The following TNS3 variants were observed in gnomAD, a reference collection of about 807,000 sequenced individuals.
The protein encoded by TNS3 is tensin 3.
A neutral mutation model predicts 140.9 loss-of-function variants in TNS3; 45 were observed. The observed-to-expected ratio is 0.32, with a 90% CI of 0.25 to 0.41. The LOEUF is 0.41. Ranked by LOEUF, TNS3 falls within the 10% of genes least tolerant of loss-of-function variation. TNS3 has a pLI of 1.00. For synonymous variants in TNS3, 815 were observed against 788.4 expected, an observed-to-expected ratio of 1.03 and a Z score of -0.56; for missense variants, 1,716 against 1,906.7, an observed-to-expected ratio of 0.90 and a Z score of 1.86.
rs368408625 is a variant in TNS3, at chr7:47,388,924, A to AGAG, written c.1024+7875_1024+7876insCTC. On this transcript the variant is annotated intron_variant, in intron 16 of 30. Transcript: ENST00000311160. Reference sequence around the variant, plus strand: ...GAAGAAGAAGGGGAGAGGGAGAGGGAGGAGAAGAGAAGAAGAAGGAGAAGC... The same window carrying AGAG: ...GAAGAAGAAGGGGAGAGGGAGAGGGAGAGGGAGAAGAGAAGAAGAAGGAGAAGC... 1.8e-4 allele frequency among the ~76,000 whole-genome samples: 27 copies of AGAG among 149,866 alleles called. 1 individual carries two copies. Among genetic ancestry groups the AGAG allele is most frequent in the African/African-American group, 3.0e-4 (12 of 40,600 alleles).
intron 16 of TNS3, among the ~76,000 whole-genome samples, chr7:47,392,479 C>CG (rs1293560103): frequency 3.3e-5 from 5 of 151,888 alleles, no homozygotes; most frequent in African/African-American, 7.3e-5. Context: ...AACCAGGCGG[C>CG]GGGGGGATAG....
intron 1 of TNS3, among the ~76,000 whole-genome samples, chr7:47,544,587 A>G (rs1014392548): frequency 2.0e-5 from 3 of 152,072 alleles, no homozygotes; most frequent in Non-Finnish European, 4.4e-5. Flanking sequence ...CCCTCACCAG[A>G]CAATCTGCCA....
intron 4 of TNS3, among the ~76,000 whole-genome samples, chr7:47,447,145 T>A (rs1795784827): frequency 6.6e-6 from 1 of 150,976 alleles, no homozygotes; most frequent in Non-Finnish European, 1.5e-5. Context: ...TTGGAGGTCA[T>A]CCCAGTCCTG....
intron 27 of TNS3, among the ~76,000 whole-genome samples, chr7:47,286,224 G>T (rs1422288457): frequency 6.6e-6 from 1 of 152,122 alleles, no homozygotes; most frequent in African/African-American, 2.4e-5. Flanking sequence ...CTCTCTTGAA[G>T]GAGTCACAGA....
intron 13 of TNS3, among the ~76,000 whole-genome samples, chr7:47,408,150 G>A (rs546856936): frequency 4.9e-4 from 75 of 152,246 alleles, no homozygotes; most frequent in African/African-American, 1.7e-3. Flanking sequence ...GTGGCCTGGA[G>A]GCCATTGGGA....
chr7:47,510,134 G>A (rs912118964), intron 2 of TNS3, among the ~76,000 whole-genome samples: 19 of 152,190 alleles, frequency 1.2e-4, no homozygotes, highest in African/African-American at 4.6e-4. Flanking sequence ...CTGGACAACT[G>A]TGTCCCAATC....
intron 16 of TNS3, among the ~76,000 whole-genome samples, chr7:47,392,341 G>A (rs541226938): frequency 1.0e-3 from 158 of 152,270 alleles, no homozygotes; most frequent in South Asian, 4.6e-3. Context: ...AGAATGTTGC[G>A]CTCACACATC....
At chr7:47,312,993 AGGGAGTGCCT>A (rs1162974426) in intron 20 of TNS3, among the ~76,000 whole-genome samples, 2 of 152,236 alleles carry the variant, frequency 1.3e-5, no homozygotes, top group Non-Finnish European at 2.9e-5. Flanking sequence ...AAAGCGAAAC[AGGGAGTGCCT>A]GCGTGTCCTG....
intron 6 of TNS3, 73 bp from the exon 7 acceptor site, chr7:47,437,386 A>G (rs1795236523): frequency 1.5e-6 from 1 of 656,902 alleles, no homozygotes; most frequent in Non-Finnish European, 2.2e-6. Context: ...TTTAATTTTT[A>G]TTTAATTTTA....
At chr7:47,518,559 A>T (rs877587) in intron 2 of TNS3, among the ~76,000 whole-genome samples, 5 of 152,034 alleles carry the variant, frequency 3.3e-5, no homozygotes, top group Admixed American at 3.3e-4. Context: ...CCAGGCACAG[A>T]GGCCGACGCC....
intron 1 of TNS3, among the ~76,000 whole-genome samples, chr7:47,533,819 T>C (rs1482430710): frequency 6.6e-6 from 1 of 152,176 alleles, no homozygotes; most frequent in African/African-American, 2.4e-5. Context: ...TCTCTTTGCC[T>C]GCTGCCATGT....
chr7:47,308,425 ACATTAGTTTTGTGTCCT>A, intron 20 of TNS3, among the ~76,000 whole-genome samples: 1 of 152,266 alleles, frequency 6.6e-6, no homozygotes, highest in South Asian at 2.1e-4. Context: ...CATAATCTTA[ACATTAGTTTTGTGTCCT>A]CATTAGTTTT....
At chr7:47,495,074 C>G (rs1396828181) in intron 3 of TNS3, among the ~76,000 whole-genome samples, 3 of 151,786 alleles carry the variant, frequency 2.0e-5, no homozygotes, top group Non-Finnish European at 1.5e-5. Context: ...GCCTGTAGTC[C>G]CAGCTACTCG....
At chr7:47,310,037 G>A (rs1172594881) in intron 20 of TNS3, among the ~76,000 whole-genome samples, 1 of 152,146 alleles carries the variant, frequency 6.6e-6, no homozygotes, top group Non-Finnish European at 1.5e-5. Flanking sequence ...TGTGGTATAG[G>A]GGCCATACAC....
At chr7:47,502,978 C>T (rs767678234) in intron 3 of TNS3, among the ~76,000 whole-genome samples, 21 of 152,196 alleles carry the variant, frequency 1.4e-4, no homozygotes, top group Non-Finnish European at 2.6e-4. Flanking sequence ...GGTCTGAGAG[C>T]ATTGGAGCCC....
intron 8 of TNS3, among the ~76,000 whole-genome samples, chr7:47,431,465 T>C (rs1467475359): frequency 6.6e-6 from 1 of 152,074 alleles, no homozygotes; most frequent in Admixed American, 6.6e-5. Context: ...TGGTGGCACG[T>C]GCCTGTAATC....
At chr7:47,315,692 A>G (rs1787358331) in intron 20 of TNS3, among the ~76,000 whole-genome samples, 1 of 152,218 alleles carries the variant, frequency 6.6e-6, no homozygotes, top group Non-Finnish European at 1.5e-5. Context: ...CTAAATGTGT[A>G]AGGAGTTGTC....
intron 4 of TNS3, among the ~76,000 whole-genome samples, chr7:47,455,449 T>A (rs1796207097): frequency 6.6e-6 from 1 of 152,090 alleles, no homozygotes; most frequent in African/African-American, 2.4e-5. Context: ...TATCCCACAA[T>A]AATCAGATTC....
chr7:47,321,470 C>G (rs1054722999), intron 20 of TNS3, among the ~76,000 whole-genome samples: 1 of 152,216 alleles, frequency 6.6e-6, no homozygotes, highest in African/African-American at 2.4e-5. Flanking sequence ...ACTGAAATGC[C>G]AGCAGGGTGT....
Sources: allele counts gnomAD v4.1 joint callset (sites outside exome capture counted in the v4.1 genomes callset), GRCh38; gene constraint gnomAD v4.1.1; transcripts MANE v1.5; gene names NCBI Gene and HGNC (gene_info 2026-07-23, HGNC 2026-07-21).